Variants in GMEB2 observed in about 807,000 individuals in gnomAD.
GMEB2 encodes glucocorticoid modulatory element binding protein 2.
Under a neutral mutation model 45.7 loss-of-function variants are expected in GMEB2, and 7 were observed. The ratio of observed to expected loss-of-function variants is 0.15; its 90% CI spans 0.09 to 0.29. The LOEUF (loss-of-function observed/expected upper bound fraction) is 0.29, where lower values mean the gene tolerates loss of function less well. GMEB2 is among the 10% of genes least tolerant of loss of function. The pLI is 1.00. For missense variants in GMEB2, 582 were observed against 739.2 expected (o/e 0.79, Z 2.47); for synonymous variants, 322 against 323.6 (o/e 1.00, Z 0.05).
At chr20:63,616,470 G>A (rs1204067779) in intron 2 of GMEB2, among the ~76,000 whole-genome samples, 3 of 152,292 alleles carry the variant, frequency 2.0e-5, no homozygotes, top group African/African-American at 2.4e-5. Context: ...TAACACACAC[G>A]TGAATAGGCT....
At chr20:63,599,161 T>C (rs1362458168) in intron 4 of GMEB2, among the ~76,000 whole-genome samples, 1 of 147,038 alleles carries the variant, frequency 6.8e-6, no homozygotes, top group Non-Finnish European at 1.5e-5. Flanking sequence ...CTCCTGACCC[T>C]CCAGCGCTAA....
In GMEB2 at chr20:63,588,210, A is replaced by C. The variant is rs2083110668; in HGVS notation, c.*1879T>G. ...AGGGGCAGGGGCAGAAAAGGTCCCA[A>C]CCCTGTTCTTAAAAAGAAAGGAAAT... On this transcript the variant is annotated 3_prime_UTR_variant, in exon 10 of 10. Transcript: ENST00000370077. 2 of 152,644 alleles carry C rather than the reference A, an allele frequency of 1.3e-5. No homozygotes were observed. The highest frequency in any genetic ancestry group is 6.5e-5 in the Admixed American group (1 of 15,302). 9.5% of individuals were successfully genotyped at this position (152,644 alleles called of 1,614,324 possible). A position where few individuals can be genotyped will look rare whatever the true frequency, so the allele number is the denominator to read the frequency against.
intron 9 of GMEB2, among the ~76,000 whole-genome samples, chr20:63,591,522 A>G (rs2146043137): frequency 6.6e-6 from 1 of 152,188 alleles, no homozygotes; most frequent in East Asian, 1.9e-4. Context: ...ACTGGAGTGC[A>G]GTGGTGTGAT....
chr20:63,589,137 G>A lies in GMEB2; in HGVS notation c.*952C>T, dbSNP rs562591474. The stretch of plus-strand genomic sequence containing the variant: ...CACATGGGAATCCTCGACCTCCATA[G>A]TGACTGGTTCTGTTTATGCCTCTGC... On this transcript the variant is annotated 3_prime_UTR_variant, in exon 10 of 10. Coordinates refer to ENST00000370077, the MANE Select transcript of GMEB2 (RefSeq NM_012384.5). 4 of 399,160 alleles carry A rather than the reference G, an allele frequency of 1.0e-5. No homozygotes were observed. The highest frequency in any genetic ancestry group is 4.4e-5 in the Admixed American group (1 of 22,746). 24.7% of individuals were successfully genotyped at this position (399,160 alleles called of 1,614,324 possible).
rs2089633848 is a variant in GMEB2 at position 63,619,896 on chromosome 20, G to C, written c.-57-442C>G. ...CCTCGCTGGTCTGTGGAACGGGAAG[G>C]GAAACCCATTCAAGACAGAAAGAGA... On this transcript the variant is annotated intron_variant, in intron 1 of 9. Transcript: ENST00000370077. This position sits in a 1 kb window ranked among gnomAD's most constrained non-coding sequence, Gnocchi z 4.6. 6.6e-6 allele frequency: 1 copy of C among 152,502 alleles called. No individual in the cohort carries two copies. The highest frequency in any genetic ancestry group is 2.4e-5 in the African/African-American group (1 of 41,462). 9.4% of individuals were successfully genotyped at this position (152,502 alleles called of 1,614,324 possible). A position where few individuals can be genotyped will look rare whatever the true frequency, so the allele number is the denominator to read the frequency against.
intron 2 of GMEB2, among the ~76,000 whole-genome samples, chr20:63,611,001 G>T (rs1601026551): frequency 6.6e-6 from 1 of 152,344 alleles, no homozygotes; most frequent in African/African-American, 2.4e-5. Flanking sequence ...ATGCAAGTGA[G>T]CCCAGCCTGG....
intron 1 of GMEB2, among the ~76,000 whole-genome samples, chr20:63,623,670 T>C (rs1405489267): frequency 1.3e-5 from 2 of 151,856 alleles, no homozygotes; most frequent in African/African-American, 4.8e-5. Flanking sequence ...CGGTGGCAGG[T>C]GCCTGTAATC....
chr20:63,614,157 A>C (rs919742380), intron 2 of GMEB2, among the ~76,000 whole-genome samples: 2 of 152,184 alleles, frequency 1.3e-5, no homozygotes, highest in East Asian at 3.8e-4. Flanking sequence ...AAGAATAGTT[A>C]TACTAGATAT....
At chr20:63,605,925 A>T (rs1361811317) in intron 2 of GMEB2, among the ~76,000 whole-genome samples, 2 of 152,186 alleles carry the variant, frequency 1.3e-5, no homozygotes, top group South Asian at 2.1e-4. Flanking sequence ...ACTGCATTCC[A>T]GCCTGGGCAA....
intron 2 of GMEB2, among the ~76,000 whole-genome samples, chr20:63,614,234 A>G (rs542229492): frequency 5.9e-5 from 9 of 152,328 alleles, no homozygotes; most frequent in Admixed American, 3.3e-4. Flanking sequence ...TCTTTATTCC[A>G]ATATTATAAT....
chr20:63,620,633 G>A (rs544309615), intron 1 of GMEB2, among the ~76,000 whole-genome samples: 3 of 152,266 alleles, frequency 2.0e-5, no homozygotes, highest in South Asian at 2.1e-4. Flanking sequence ...CCCCAGTGGC[G>A]CATATGGGAC....
intron 1 of GMEB2, among the ~76,000 whole-genome samples, chr20:63,620,786 T>G (rs73315891): frequency 0.095 from 14,405 of 152,034 alleles, 793 homozygotes; most frequent in Middle Eastern, 0.11. Context: ...TCTGTGAAAC[T>G]TAAAACAAGA....
intron 2 of GMEB2, among the ~76,000 whole-genome samples, chr20:63,616,604 T>C (rs2089610398): frequency 6.6e-6 from 1 of 152,230 alleles, no homozygotes; most frequent in Non-Finnish European, 1.5e-5. Context: ...AGGCGGAGGC[T>C]GGCCGTGGGG....
At chr20:63,604,955 A>G in intron 2 of GMEB2, 115 bp from the exon 3 acceptor site, 1 of 702,950 alleles carries the variant, frequency 1.4e-6, no homozygotes, top group Non-Finnish European at 2.6e-6. Context: ...AACTGAATTC[A>G]GAAATGGCAG....
intron 5 of GMEB2, among the ~76,000 whole-genome samples, chr20:63,596,689 G>A (rs2083202976): frequency 6.6e-6 from 1 of 152,232 alleles, no homozygotes; most frequent in Non-Finnish European, 1.5e-5. Context: ...GTAGAGGCCA[G>A]GCCCACAAAG....
Position 63,604,791 on chromosome 20 carries a change from CTG to C in GMEB2, c.179_180del (p.Ala60GlyfsTer21). ...DNMETENAAA[A>X]AAAAFTASSQ... The stretch of plus-strand genomic sequence containing the variant: ...GAGGAGGCTGTGAAGGCCGCGGCAG[CTG>C]CTGCCGCTGCATTTTCTGTCTCCAT... On this transcript the variant is annotated frameshift_variant, in exon 3 of 10. Coordinates refer to ENST00000370077, the MANE Select transcript of GMEB2 (RefSeq NM_012384.5). LOFTEE classifies it high-confidence loss of function. The C allele has an allele frequency of 6.2e-7, 1 of 1,612,218 alleles. No homozygotes were observed. Among genetic ancestry groups the C allele is most frequent in the African/African-American group, 1.3e-5 (1 of 75,036 alleles).
chr20:63,604,492 T>G (rs111496807), intron 3 of GMEB2, among the ~76,000 whole-genome samples: 8 of 152,268 alleles, frequency 5.3e-5, no homozygotes, highest in African/African-American at 1.9e-4. Flanking sequence ...AGGAGAGAGC[T>G]GCAAACTTGG....
At chr20:63,610,727 G>A (rs566965451) in intron 2 of GMEB2, among the ~76,000 whole-genome samples, 6 of 152,188 alleles carry the variant, frequency 3.9e-5, no homozygotes, top group Non-Finnish European at 8.8e-5. Context: ...ACTGTCCCGC[G>A]AGGGCAGAGC....
At chr20:63,600,387 C>A (rs555588262) in intron 4 of GMEB2, among the ~76,000 whole-genome samples, 119 of 151,716 alleles carry the variant, frequency 7.8e-4, no homozygotes, top group African/African-American at 2.6e-3. Context: ...GACTGTGGAG[C>A]ATGCAGCTGC....
Sources: allele counts gnomAD v4.1 joint callset (sites outside exome capture counted in the v4.1 genomes callset), GRCh38; gene constraint gnomAD v4.1.1; non-coding constraint Gnocchi (gnomAD v3.1); transcripts MANE v1.5; gene names NCBI Gene and HGNC (gene_info 2026-07-23, HGNC 2026-07-21).